The following ANKRD26 variants were observed in gnomAD, a reference collection of about 807,000 sequenced individuals.
ANKRD26 encodes the protein ankyrin repeat domain 26, also known as ankyrin repeat domain-containing protein 26.
In ANKRD26, 141 loss-of-function variants were observed where a neutral mutation model predicts 208.7. The observed-to-expected ratio is 0.68, with a 90% CI of 0.59 to 0.78. The LOEUF (loss-of-function observed/expected upper bound fraction) is 0.78. Ranked by LOEUF, ANKRD26 falls within the 30% of genes least tolerant of loss-of-function variation. ANKRD26 has a pLI of 0.00. For missense variants in ANKRD26, 1,889 were observed against 1,938.7 expected, an observed-to-expected ratio of 0.97 and a Z score of 0.48; for synonymous variants, 636 against 660.4, an observed-to-expected ratio of 0.96 and a Z score of 0.57.
At chr10:27,047,905 G>C (rs1444144797) in intron 17 of ANKRD26, among the ~76,000 whole-genome samples, 1 of 151,698 alleles carries the variant, frequency 6.6e-6, no homozygotes. Flanking sequence ...CACCATGCCT[G>C]CCTAATTTTG....
chr10:26,958,974 G>A, the ANKRD26 span, among the ~76,000 whole-genome samples: 1 of 152,100 alleles, frequency 6.6e-6, no homozygotes, highest in African/African-American at 2.4e-5. Flanking sequence ...TTTTTTGAGT[G>A]TTTAGTAATA....
rs1481140793 is a variant in ANKRD26, at chr10:27,035,567, T to C, written c.2883A>G (p.Lys961=). 1 of 1,613,664 alleles carries C rather than the reference T, an allele frequency of 6.2e-7. No individual in the cohort carries two copies. The highest frequency in any genetic ancestry group is 8.5e-7 in the Non-Finnish European group (1 of 1,179,852). The change falls in exon 24 of 34, where the codon AAA becomes AAG. Residue 961 remains lysine (K), a synonymous_variant. Coordinates refer to ENST00000376087, the MANE Select transcript of ANKRD26 (RefSeq NM_014915.3). ...EKNEDLQKTI[K]QNEETLTQTI... ...TTTGTGTTAATGTTTCCTCATTCTG[T>C]TTTATAGTCTTCTGAAGGTCTTCAT...
downstream of ANKRD26, among the ~76,000 whole-genome samples, chr10:26,999,642 G>A (rs1400648156): frequency 6.6e-6 from 1 of 151,998 alleles, no homozygotes; most frequent in Non-Finnish European, 1.5e-5. Context: ...CTCTTAGGAG[G>A]CATTCCTCCC....
intron 33 of ANKRD26, among the ~76,000 whole-genome samples, chr10:27,006,593 C>G (rs1430157271): frequency 1.3e-5 from 2 of 152,014 alleles, no homozygotes; most frequent in African/African-American, 4.8e-5. Context: ...TCTTTGTTTT[C>G]TAAGAATAAT....
Position 27,092,402 on chromosome 10 carries a change from G to A in ANKRD26, c.638+4C>T. 6.3e-7 allele frequency: 1 copy of A among 1,595,546 alleles called. No homozygotes were observed. The highest frequency in any genetic ancestry group is 1.1e-5 in the South Asian group (1 of 90,582). ...AAAATCCAAAACAAAACCAGCTACT[G>A]TACCTTTCCAACTTATCTACTGCAT... On this transcript the variant is annotated splice_donor_region_variant and intron_variant, in intron 4 of 33. Coordinates refer to ENST00000376087, the MANE Select transcript of ANKRD26 (RefSeq NM_014915.3).
rs373510718 is a variant in ANKRD26 at position 27,060,415 on chromosome 10, A to G, written c.1494T>C (p.Pro498=). 3 of 1,611,478 alleles carry G rather than the reference A, an allele frequency of 1.9e-6. No individual in the cohort carries two copies. In the African/African-American group the frequency reaches 4.0e-5, roughly 22 times the overall value. The change falls in exon 15 of 34, where the codon CCT becomes CCC. Residue 498 remains proline, a splice_region_variant and synonymous_variant. Transcript: ENST00000376087. ...ESPERYLHLK[P]TIEMKDSVPN... is the part of the protein sequence containing the mutation. ...GAACAGAATCTTTCATTTCAATGGT[A>G]GGCTGAATGGGTTTTGAAACAAAAT...
In ANKRD26 at chr10:27,072,263, T is replaced by G. The variant is rs147359171; in HGVS notation, c.1078-4977A>C. Among the ~76,000 whole-genome samples the G allele has an allele frequency of 4.9e-3, 743 of 152,352 alleles. 9 individuals are homozygous for G. The highest frequency in any genetic ancestry group is 0.017 in the African/African-American group (706 of 41,592). ...AGCAGAACCCTATAGGCGTGAGACC[T>G]GCCTTGCCAAGCCCGTGCTGCATGA... On this transcript the variant is annotated intron_variant, in intron 9 of 33. Transcript: ENST00000376087.
At chr10:26,971,818 C>T (rs1168636437), downstream of ANKRD26, among the ~76,000 whole-genome samples, 1 of 152,138 alleles carries the variant, frequency 6.6e-6, no homozygotes, top group East Asian at 1.9e-4. Context: ...TTTTACCTGG[C>T]TTGGTGTCAT....
At chr10:26,975,570 C>T (rs1013017017) in exon 6 of ANKRD26, among the ~76,000 whole-genome samples, 2 of 151,842 alleles carry the variant, frequency 1.3e-5, no homozygotes, top group Non-Finnish European at 2.9e-5. Context: ...GGCCTGGCAT[C>T]GTGGCTCACA....
chr10:27,006,913 A>C lies in ANKRD26; in HGVS notation c.4999+4T>G. 1 of 1,607,032 alleles carries C rather than the reference A, an allele frequency of 6.2e-7. No individual in the cohort carries two copies. The highest frequency in any genetic ancestry group is 1.3e-5 in the African/African-American group (1 of 74,916). On this transcript the variant is annotated splice_donor_region_variant and intron_variant, in intron 33 of 33. Coordinates refer to ENST00000376087, the MANE Select transcript of ANKRD26 (RefSeq NM_014915.3). ...AATTTAATTCATGAAGTTTGGCAAC[A>C]TACCTTCTTTGAGTTCTCTAGTTAT...
chr10:27,077,309 T>C (rs770601545), intron 9 of ANKRD26, 29 bp downstream of exon 9: 19 of 1,553,884 alleles, frequency 1.2e-5, no homozygotes, highest in Non-Finnish European at 1.6e-5. Flanking sequence ...GAAGGGTACA[T>C]GAAAAAAGTT....
chr10:27,025,766 A>G (rs1314758866), intron 27 of ANKRD26, among the ~76,000 whole-genome samples: 4 of 152,086 alleles, frequency 2.6e-5, no homozygotes, highest in Non-Finnish European at 5.9e-5. Context: ...AGAGCTCCTT[A>G]AATCTCAAGG....
At chr10:27,073,931 C>G (rs1249305957) in intron 9 of ANKRD26, among the ~76,000 whole-genome samples, 1 of 152,074 alleles carries the variant, frequency 6.6e-6, no homozygotes. Flanking sequence ...AAGGTCTTCA[C>G]TACTGAAAGC....
chr10:26,969,711 T>C (rs7069690), downstream of ANKRD26, among the ~76,000 whole-genome samples: 51,860 of 152,082 alleles, frequency 0.34, 14,041 homozygotes, highest in African/African-American at 0.72. Context: ...TAGATTAGTA[T>C]TTATGCATTT....
rs897302429 is a variant in ANKRD26, at chr10:27,053,475, ATTTAT to A, written c.1565-90_1565-86del. On this transcript the variant is annotated intron_variant, in intron 15 of 33. Transcript: ENST00000376087. ...AGTCTTTACAGAAATAGAAAATAAT[ATTTAT>A]TTTATTTTATAAATCGAGAGGGTTT... 5 of 892,306 alleles carry A rather than the reference ATTTAT, an allele frequency of 5.6e-6. No homozygotes were observed. In the Admixed American group the frequency reaches 6.9e-5, roughly 12 times the overall value. 55.3% of individuals were successfully genotyped at this position (892,306 alleles called of 1,614,324 possible).
chr10:26,961,165 C>T, the ANKRD26 span, among the ~76,000 whole-genome samples: 3 of 150,348 alleles, frequency 2.0e-5, no homozygotes, highest in South Asian at 6.3e-4. Context: ...TGCAGTGAGC[C>T]GAGATCATAC....
intron 3 of ANKRD26, among the ~76,000 whole-genome samples, chr10:26,986,686 T>C (rs1270834806): frequency 6.6e-6 from 1 of 152,150 alleles, no homozygotes; most frequent in African/African-American, 2.4e-5. Flanking sequence ...AAAATGCTCA[T>C]CATCACTGGC....
the ANKRD26 span, among the ~76,000 whole-genome samples, chr10:26,966,822 C>T: frequency 0.69 from 105,386 of 151,996 alleles, 37,622 homozygotes; most frequent in African/African-American, 0.88. Context: ...AGTGGCATTA[C>T]GGTGGTTTGC....
chr10:27,004,915 G>T lies in ANKRD26; in HGVS notation c.*675C>A. 1 of 440,482 alleles carries T rather than the reference G, an allele frequency of 2.3e-6. No individual in the cohort carries two copies. The highest frequency in any genetic ancestry group is 3.0e-6 in the Non-Finnish European group (1 of 332,302). 27.3% of individuals were successfully genotyped at this position (440,482 alleles called of 1,614,324 possible). On this transcript the variant is annotated 3_prime_UTR_variant, in exon 34 of 34. Coordinates refer to ENST00000376087, the MANE Select transcript of ANKRD26 (RefSeq NM_014915.3). ...GCAAGGTTTGCACTGTAGTTATGTA[G>T]AATGTCCTGACTTGTAGGAATGCCC...
Sources: gnomAD v4.1 joint callset for allele counts (sites outside exome capture counted in the v4.1 genomes callset) on GRCh38, gnomAD v4.1.1 for gene constraint, MANE v1.5 for transcripts, NCBI Gene and HGNC (gene_info 2026-07-23, HGNC 2026-07-21) for gene names.